The following AGMO variants were observed in gnomAD, a reference collection of about 807,000 sequenced individuals.
AGMO encodes the protein alkylglycerol monooxygenase.
In AGMO, 75 loss-of-function variants were observed where a neutral mutation model predicts 60.2. That is an observed-to-expected ratio of 1.25 (90% confidence interval 1.03 to 1.51). The LOEUF is 1.51. Among genes scored for constraint, AGMO ranks in the 40% most tolerant of loss-of-function variants. The probability of loss-of-function intolerance (pLI) is 0.00; values close to 1 mark genes in which losing one functional copy is unlikely to be tolerated. For synonymous variants in AGMO, 261 were observed against 177.1 expected (o/e 1.47, Z -3.76); for missense variants, 763 against 525.5 (o/e 1.45, Z -4.42).
At chr7:15,251,370 T>C (rs1782932747) in intron 12 of AGMO, among the ~76,000 whole-genome samples, 4 of 152,240 alleles carry the variant, frequency 2.6e-5, no homozygotes. Context: ...TAAAACAAGA[T>C]AACTTAATGC....
chr7:15,360,048 G>A (rs1051503255), intron 12 of AGMO, among the ~76,000 whole-genome samples: 6 of 152,110 alleles, frequency 3.9e-5, no homozygotes, highest in South Asian at 2.1e-4. Context: ...AGCTTTTGGC[G>A]GAGTAGGCAC....
chr7:15,253,993 C>G (rs1259197670), intron 12 of AGMO, among the ~76,000 whole-genome samples: 5 of 151,840 alleles, frequency 3.3e-5, no homozygotes, highest in Non-Finnish European at 7.4e-5. Flanking sequence ...AACATAATGT[C>G]CTCTAGGCTT....
At chr7:15,194,872 A>C in the AGMO span, among the ~76,000 whole-genome samples, 2 of 152,112 alleles carry the variant, frequency 1.3e-5, no homozygotes, top group Non-Finnish European at 2.9e-5. Context: ...AGCCCCCTTT[A>C]GGCTCCGATT....
At chr7:15,124,229 CTT>C in the AGMO span, among the ~76,000 whole-genome samples, 1 of 151,972 alleles carries the variant, frequency 6.6e-6, no homozygotes, top group South Asian at 2.1e-4. Flanking sequence ...CAGAATTACT[CTT>C]TGTTTCATGA....
chr7:15,449,327 T>C (rs1220826283), intron 3 of AGMO, among the ~76,000 whole-genome samples: 1 of 58,522 alleles, frequency 1.7e-5, no homozygotes, highest in Non-Finnish European at 4.2e-5. Flanking sequence ...TAAGAGTGCT[T>C]CTCTTTCTCT....
chr7:15,227,304 C>T (rs2128498488), intron 12 of AGMO, among the ~76,000 whole-genome samples: 1 of 152,118 alleles, frequency 6.6e-6, no homozygotes, highest in South Asian at 2.1e-4. Flanking sequence ...TCACAAGCTG[C>T]CTACTGATCA....
At chr7:15,341,458 C>G (rs773758765) in intron 12 of AGMO, among the ~76,000 whole-genome samples, 1 of 152,162 alleles carries the variant, frequency 6.6e-6, no homozygotes, top group Non-Finnish European at 1.5e-5. Flanking sequence ...ACCATCTCAG[C>G]CTAGACTTTA....
At chr7:15,451,787 C>G (rs952012269) in intron 3 of AGMO, among the ~76,000 whole-genome samples, 7 of 151,926 alleles carry the variant, frequency 4.6e-5, no homozygotes, top group African/African-American at 1.7e-4. Context: ...CACAGAGACC[C>G]CACCACAGCA....
chr7:15,215,906 G>A (rs866727438), intron 12 of AGMO, among the ~76,000 whole-genome samples: 22 of 152,184 alleles, frequency 1.4e-4, no homozygotes, highest in Middle Eastern at 3.4e-3. Context: ...GAGCACTGAC[G>A]TATTACATCA....
the AGMO span, among the ~76,000 whole-genome samples, chr7:15,129,713 G>C: frequency 6.6e-6 from 1 of 151,978 alleles, no homozygotes; most frequent in East Asian, 1.9e-4. Context: ...TTGCATTATG[G>C]GTGGTTTTGC....
At chr7:15,188,281 C>A in the AGMO span, among the ~76,000 whole-genome samples, 1 of 152,102 alleles carries the variant, frequency 6.6e-6, no homozygotes. Flanking sequence ...AAGTCTCACT[C>A]AGTTTTCTCA....
At chr7:15,309,686 A>G (rs957366348) in intron 12 of AGMO, among the ~76,000 whole-genome samples, 18 of 151,000 alleles carry the variant, frequency 1.2e-4, no homozygotes, top group Admixed American at 6.6e-4. Context: ...TATCCTCTCT[A>G]AAATAGACTA....
At chr7:15,166,081 T>C in the AGMO span, among the ~76,000 whole-genome samples, 26 of 152,300 alleles carry the variant, frequency 1.7e-4, 1 homozygote, top group East Asian at 5.0e-3. Context: ...CTTGTATACA[T>C]TCTTATAGGA....
chr7:15,462,056 GA>G (rs199770020), intron 3 of AGMO, among the ~76,000 whole-genome samples: 1,894 of 63,880 alleles, frequency 0.03, 35 homozygotes, highest in African/African-American at 0.12. Flanking sequence ...ATCCTACTTG[GA>G]AAAGGTAAAA....
At chr7:15,444,216 C>A (rs1369710877) in intron 3 of AGMO, among the ~76,000 whole-genome samples, 1 of 152,092 alleles carries the variant, frequency 6.6e-6, no homozygotes. Flanking sequence ...ATAACCAAGT[C>A]ACACTATTTT....
rs1226669417 is a variant in AGMO at position 15,322,644 on chromosome 7, A to ATG, written c.1263+42869_1263+42870insCA. Among the ~76,000 whole-genome samples, 5 of 79,296 alleles carry ATG rather than the reference A, an allele frequency of 6.3e-5. 1 individual carries two copies. The highest frequency in any genetic ancestry group is 2.9e-4 in the East Asian group (1 of 3,398). 52.0% of individuals were successfully genotyped at this position (79,296 alleles called of 152,430 possible). On this transcript the variant is annotated intron_variant, in intron 12 of 12. Transcript: ENST00000342526. The stretch of plus-strand genomic sequence containing the variant: ...TAAATATATATAAATATATATAAAT[A>ATG]TATAAATATATATATAAATATATAT...
chr7:15,494,114 G>A (rs1046842966), intron 3 of AGMO, among the ~76,000 whole-genome samples: 6 of 152,206 alleles, frequency 3.9e-5, no homozygotes, highest in South Asian at 2.1e-4. Context: ...TGCCATATAC[G>A]TCTAGGATTT....
At chr7:15,129,439 A>T in the AGMO span, among the ~76,000 whole-genome samples, 1 of 152,148 alleles carries the variant, frequency 6.6e-6, no homozygotes, top group African/African-American at 2.4e-5. Context: ...TTCACATCAC[A>T]TTTAAAGAAT....
the AGMO span, among the ~76,000 whole-genome samples, chr7:15,149,149 C>T: frequency 6.6e-6 from 1 of 152,132 alleles, no homozygotes; most frequent in Admixed American, 6.6e-5. Context: ...GTCCTTTGCA[C>T]ACTTTTTTAA....
Sources: allele counts gnomAD v4.1 joint callset (sites outside exome capture counted in the v4.1 genomes callset), GRCh38; gene constraint gnomAD v4.1.1; transcripts MANE v1.5; gene names NCBI Gene and HGNC (gene_info 2026-07-23, HGNC 2026-07-21).